The following PPIP5K2 variants were observed in gnomAD, a reference collection of about 807,000 sequenced individuals.
The protein encoded by PPIP5K2 is diphosphoinositol pentakisphosphate kinase 2, also known as inositol hexakisphosphate and diphosphoinositol-pentakisphosphate kinase 2.
In PPIP5K2, 105 loss-of-function variants were observed where a neutral mutation model predicts 154.6. The ratio of observed to expected loss-of-function variants is 0.68; its 90% CI spans 0.58 to 0.80. PPIP5K2 has a LOEUF of 0.80. Ranked by LOEUF, PPIP5K2 falls within the 30% of genes least tolerant of loss-of-function variation. The pLI, the probability that PPIP5K2 is intolerant of heterozygous loss-of-function variation, is 0.00. For missense variants in PPIP5K2, 992 were observed against 1,504.6 expected (o/e 0.66, Z 5.64); for synonymous variants, 480 against 490.3 (o/e 0.98, Z 0.28).
intron 30 of PPIP5K2, among the ~76,000 whole-genome samples, chr5:103,195,554 A>T (rs1451036537): frequency 6.6e-6 from 1 of 152,032 alleles, no homozygotes; most frequent in Admixed American, 6.6e-5. Context: ...TTTTATTAGC[A>T]TTTTTCTACT....
Position 103,158,592 on chromosome 5 carries a change from T to A in PPIP5K2, c.1737+19T>A, listed in dbSNP as rs78162008. ...TGCAAAGGTATAAATAATTTTTTTT[T>A]AGAATTATTAGAGTTTTTAATCTAA... On this transcript the variant is annotated intron_variant, in intron 16 of 30. Coordinates refer to ENST00000358359, the MANE Select transcript of PPIP5K2 (RefSeq NM_001276277.3). 26 of 1,541,176 alleles carry A rather than the reference T, an allele frequency of 1.7e-5. No individual in the cohort carries two copies. The highest frequency in any genetic ancestry group is 1.3e-4 in the South Asian group (10 of 79,722).
chr5:103,148,313 CATAAT>C (rs1794067575), intron 7 of PPIP5K2: 3 of 389,536 alleles, frequency 7.7e-6, no homozygotes, highest in Middle Eastern at 8.5e-4. Context: ...TTGTGTTACA[CATAAT>C]ATGTCTTTAA....
In PPIP5K2 at chr5:103,183,556, A is replaced by G. The variant is rs1448608634; in HGVS notation, c.3096+149A>G. 9 of 646,696 alleles carry G rather than the reference A, an allele frequency of 1.4e-5. No individual in the cohort carries two copies. In the Admixed American group the frequency reaches 2.0e-4, roughly 14 times the overall value. 40.1% of individuals were successfully genotyped at this position (646,696 alleles called of 1,614,324 possible). A position where few individuals can be genotyped will look rare whatever the true frequency, so the allele number is the denominator to read the frequency against. ...TGAGTTCATTTAAAAATACTTAATG[A>G]TATCTGCCAATATTCAAGGGAAAGA... On this transcript the variant is annotated intron_variant, in intron 25 of 30. Coordinates refer to ENST00000358359, the MANE Select transcript of PPIP5K2 (RefSeq NM_001276277.3).
chr5:103,169,373 G>A (rs1797605350), intron 19 of PPIP5K2, among the ~76,000 whole-genome samples: 1 of 151,052 alleles, frequency 6.6e-6, no homozygotes, highest in African/African-American at 2.4e-5. Flanking sequence ...AAAAGATAAA[G>A]ATTATGAAAA....
chr5:103,151,437 G>A (rs1554211391), intron 9 of PPIP5K2, 63 bp downstream of exon 9: 3 of 1,308,030 alleles, frequency 2.3e-6, no homozygotes, highest in South Asian at 1.3e-5. Context: ...CCAAATAACT[G>A]TTAACATTAA....
At chr5:103,154,807 T>C (rs1554212536) in intron 12 of PPIP5K2, 27 bp from the exon 13 acceptor site, 1 of 1,546,920 alleles carries the variant, frequency 6.5e-7, no homozygotes, top group Admixed American at 2.0e-5. Context: ...ACATAAAAAT[T>C]CAATTTTTTA....
At chr5:103,138,296 A>G in intron 4 of PPIP5K2, 88 bp from the exon 5 acceptor site, 1 of 702,962 alleles carries the variant, frequency 1.4e-6, no homozygotes, top group Non-Finnish European at 2.2e-6. Context: ...TTATAGAACA[A>G]CAATAATGTC....
At chr5:103,145,885 G>A (rs1412554997) in intron 5 of PPIP5K2, among the ~76,000 whole-genome samples, 1 of 152,004 alleles carries the variant, frequency 6.6e-6, no homozygotes, top group Non-Finnish European at 1.5e-5. Context: ...AAATTAGAAT[G>A]TTCCTAACAC....
chr5:103,126,521 T>C (rs1351073890), intron 1 of PPIP5K2, among the ~76,000 whole-genome samples: 2 of 152,156 alleles, frequency 1.3e-5, no homozygotes, highest in Non-Finnish European at 2.9e-5. Context: ...GGGACAGAAC[T>C]AATAGGATAG....
At chr5:103,163,897 A>G (rs1796733635) in intron 17 of PPIP5K2, among the ~76,000 whole-genome samples, 1 of 151,890 alleles carries the variant, frequency 6.6e-6, no homozygotes, top group Non-Finnish European at 1.5e-5. Context: ...TTCATGTCAG[A>G]TTGGCCTTTA....
At chr5:103,192,365 G>C (rs901313736) in intron 29 of PPIP5K2, among the ~76,000 whole-genome samples, 2 of 152,070 alleles carry the variant, frequency 1.3e-5, no homozygotes, top group Admixed American at 1.3e-4. Context: ...TAACCTGCTA[G>C]AATGGACAAT....
In PPIP5K2 at chr5:103,158,541, C is replaced by T. The variant is rs782574603; in HGVS notation, c.1705C>T (p.Arg569Ter). The stretch of plus-strand genomic sequence containing the variant: ...CAAAATATATGCCTCTGATGAAGGA[C>T]GAGTCCAGATGACTGCAGCTGCTTT... ...DLKIYASDEG[R>*]VQMTAAAFAK... Residue 569 changes from arginine (R) to a stop codon, truncating the protein, a stop_gained, in exon 16 of 31, where the codon CGA becomes TGA. Coordinates refer to ENST00000358359, the MANE Select transcript of PPIP5K2 (RefSeq NM_001276277.3). LOFTEE classifies it high-confidence loss of function. 7 of 1,610,782 alleles carry T rather than the reference C, an allele frequency of 4.3e-6. No individual in the cohort carries two copies. The highest frequency in any genetic ancestry group is 1.3e-5 in the African/African-American group (1 of 74,662).
At position 103,154,821 on chromosome 5, in the gene PPIP5K2, ATTTAT is replaced by A. The variant is rs781864671; in HGVS notation, c.1294-7_1294-3del. The A allele has an allele frequency of 5.9e-5, 92 of 1,555,540 alleles. No homozygotes were observed. The highest frequency in any genetic ancestry group is 6.1e-5 in the Non-Finnish European group (71 of 1,154,662). On this transcript the variant is annotated splice_polypyrimidine_tract_variant and splice_region_variant and intron_variant, in intron 12 of 30. Transcript: ENST00000358359. ...TACATAAAAATTCAATTTTTTATTA[ATTTAT>A]TTTATAGGAAGTGCTAGATATTGCA...
rs147197033 is a variant in PPIP5K2 at position 103,193,693 on chromosome 5, A to G, written c.3494-1207A>G. ...CTACTTTTTATTTTCATTAGTGACT[A>G]CTTTGAGCTCTTTCAGTTAAATGAA... is the stretch of plus-strand genomic sequence containing the variant. On this transcript the variant is annotated intron_variant, in intron 29 of 30. Coordinates refer to ENST00000358359, the MANE Select transcript of PPIP5K2 (RefSeq NM_001276277.3). Among the ~76,000 whole-genome samples, 94 of 152,228 alleles carry G rather than the reference A, an allele frequency of 6.2e-4. 1 individual carries two copies. Among genetic ancestry groups the G allele is most frequent in the African/African-American group, 2.2e-3 (92 of 41,548 alleles).
At chr5:103,173,586 A>G (rs1798273646) in intron 20 of PPIP5K2, among the ~76,000 whole-genome samples, 1 of 152,114 alleles carries the variant, frequency 6.6e-6, no homozygotes, top group African/African-American at 2.4e-5. Context: ...TGTCATTGCT[A>G]CTAAAGGAGA....
chr5:103,157,985 G>T (rs116327203), intron 14 of PPIP5K2, among the ~76,000 whole-genome samples: 1 of 152,098 alleles, frequency 6.6e-6, no homozygotes, highest in Non-Finnish European at 1.5e-5. Flanking sequence ...ATTTAAACAG[G>T]TATAGCAAGG....
intron 28 of PPIP5K2, chr5:103,188,531 C>T (rs1554225854): frequency 1.3e-5 from 2 of 152,144 alleles, no homozygotes; most frequent in African/African-American, 2.4e-5. Flanking sequence ...AATGTGCTTT[C>T]CCTTCATTGT....
chr5:103,170,480 T>C (rs1797810585), intron 19 of PPIP5K2, among the ~76,000 whole-genome samples: 1 of 151,660 alleles, frequency 6.6e-6, no homozygotes, highest in African/African-American at 2.4e-5. Context: ...GATAAAATTA[T>C]GCCCAAGTTT....
At chr5:103,171,038 A>T (rs1313580135) in intron 19 of PPIP5K2, among the ~76,000 whole-genome samples, 4 of 151,388 alleles carry the variant, frequency 2.6e-5, no homozygotes, top group African/African-American at 9.7e-5. Flanking sequence ...ATCAGTTTCT[A>T]CTCTTACATT....
Sources: gnomAD v4.1 joint callset for allele counts (sites outside exome capture counted in the v4.1 genomes callset) on GRCh38, gnomAD v4.1.1 for gene constraint, MANE v1.5 for transcripts, NCBI Gene and HGNC (gene_info 2026-07-23, HGNC 2026-07-21) for gene names.